WWOX: variants seen among roughly 807,000 people sequenced by gnomAD.
WWOX encodes WW domain containing oxidoreductase, also known as WW domain-containing oxidoreductase.
Under a neutral mutation model 46.2 loss-of-function variants are expected in WWOX, and 69 were observed. That is an observed-to-expected ratio of 1.49 (90% confidence interval 1.23 to 1.82). The LOEUF is 1.82. WWOX is among the 40% of genes most tolerant of loss of function. The pLI, the probability that WWOX is intolerant of heterozygous loss-of-function variation, is 0.00. For missense variants in WWOX, 919 were observed against 542.6 expected, an observed-to-expected ratio of 1.69 and a Z score of -6.89; for synonymous variants, 359 against 202.6, an observed-to-expected ratio of 1.77 and a Z score of -6.56.
chr16:79,050,165 G>A, intron 8 of WWOX, among the ~76,000 whole-genome samples: 1 of 152,202 alleles, frequency 6.6e-6, no homozygotes, highest in East Asian at 1.9e-4. Context: ...TCACGTGTGT[G>A]TGGGGTTCAG....
intron 8 of WWOX, among the ~76,000 whole-genome samples, chr16:78,593,820 C>A (rs1398527829): frequency 2.6e-5 from 4 of 151,940 alleles, no homozygotes. Flanking sequence ...AGCATGATTG[C>A]AAGCTGAGGA....
At chr16:78,869,356 C>G (rs2044076528) in intron 8 of WWOX, among the ~76,000 whole-genome samples, 1 of 152,130 alleles carries the variant, frequency 6.6e-6, no homozygotes, top group Non-Finnish European at 1.5e-5. Context: ...TCCAAGCATC[C>G]AGACTGCAAC....
chr16:79,030,778 G>T (rs956199905), intron 8 of WWOX, among the ~76,000 whole-genome samples: 1 of 152,070 alleles, frequency 6.6e-6, no homozygotes, highest in Non-Finnish European at 1.5e-5. Flanking sequence ...AATGCAGACT[G>T]ATATTCTGAA....
At chr16:78,881,412 A>G (rs2044340976) in intron 8 of WWOX, among the ~76,000 whole-genome samples, 1 of 152,252 alleles carries the variant, frequency 6.6e-6, no homozygotes, top group South Asian at 2.1e-4. Flanking sequence ...GGAAACTAAT[A>G]TACAGGTTTT....
At chr16:78,992,981 C>G (rs1045110149) in intron 8 of WWOX, among the ~76,000 whole-genome samples, 5 of 151,984 alleles carry the variant, frequency 3.3e-5, no homozygotes, top group African/African-American at 9.6e-5. Flanking sequence ...GTGACTTCCT[C>G]CCTCTCTTTC....
intron 8 of WWOX, among the ~76,000 whole-genome samples, chr16:78,829,087 GAT>G (rs1188508096): frequency 1.3e-4 from 3 of 22,792 alleles, no homozygotes; most frequent in Non-Finnish European, 2.5e-4. Context: ...CCATCTGGAA[GAT>G]GGATGGATGG....
At chr16:78,733,270 C>T (rs1597510500) in intron 8 of WWOX, among the ~76,000 whole-genome samples, 1 of 152,112 alleles carries the variant, frequency 6.6e-6, no homozygotes, top group Non-Finnish European at 1.5e-5. Context: ...GCCTGGGCAA[C>T]ATAGGGAGAT....
chr16:79,148,521 T>C (rs2150728284), intron 8 of WWOX, among the ~76,000 whole-genome samples: 2 of 152,296 alleles, frequency 1.3e-5, no homozygotes, highest in African/African-American at 4.8e-5. Flanking sequence ...TATTCTTTTT[T>C]ATTAAGATTA....
chr16:78,446,676 T>C (rs2083567969), intron 8 of WWOX, among the ~76,000 whole-genome samples: 1 of 104,542 alleles, frequency 9.6e-6, no homozygotes, highest in Admixed American at 8.3e-5. Context: ...TTTTTTTTTT[T>C]TTTTTGAGGT....
At chr16:78,855,323 C>A (rs538859991) in intron 8 of WWOX, among the ~76,000 whole-genome samples, 1 of 152,106 alleles carries the variant, frequency 6.6e-6, no homozygotes, top group South Asian at 2.1e-4. Flanking sequence ...ATGTTCTTAT[C>A]ATAATAAATC....
chr16:79,151,202 C>T (rs1187365172), intron 8 of WWOX, among the ~76,000 whole-genome samples: 8 of 152,206 alleles, frequency 5.3e-5, no homozygotes, highest in Admixed American at 4.6e-4. Context: ...ACCTCTTAAA[C>T]AGCCAGCTAT....
At chr16:79,164,422 G>A (rs980799538) in intron 8 of WWOX, among the ~76,000 whole-genome samples, 1 of 152,110 alleles carries the variant, frequency 6.6e-6, no homozygotes, top group Non-Finnish European at 1.5e-5. Flanking sequence ...CCTTGTGCCC[G>A]CCTCTCTGAC....
chr16:78,970,851 C>T lies in WWOX; in HGVS notation c.1057-240757C>T, dbSNP rs141178494. Among the ~76,000 whole-genome samples, 13 of 152,186 alleles carry T rather than the reference C, an allele frequency of 8.5e-5. No homozygotes were observed. In the East Asian group the frequency reaches 1.7e-3, roughly 20 times the overall value. On this transcript the variant is annotated intron_variant, in intron 8 of 8. Coordinates refer to ENST00000566780, the MANE Select transcript of WWOX (RefSeq NM_016373.4). Reference sequence around the variant, plus strand: ...CCAGGAAGTCTTGGAGTGATGGCTTCAGGCACGGCTGGATCCAGGGGCTCA... The same window carrying T: ...CCAGGAAGTCTTGGAGTGATGGCTTTAGGCACGGCTGGATCCAGGGGCTCA...
chr16:79,024,160 G>T (rs993948681), intron 8 of WWOX, among the ~76,000 whole-genome samples: 1 of 152,148 alleles, frequency 6.6e-6, no homozygotes, highest in African/African-American at 2.4e-5. Context: ...TTGGTTAAAT[G>T]GTCTAGAATT....
intron 8 of WWOX, among the ~76,000 whole-genome samples, chr16:78,480,902 C>T (rs138513200): frequency 1.3e-5 from 2 of 152,310 alleles, no homozygotes; most frequent in Admixed American, 6.5e-5. Flanking sequence ...AAGAGACTTA[C>T]AAACATTTGT....
At chr16:79,006,927 C>T (rs932023973) in intron 8 of WWOX, among the ~76,000 whole-genome samples, 1 of 152,160 alleles carries the variant, frequency 6.6e-6, no homozygotes, top group African/African-American at 2.4e-5. Flanking sequence ...AATCATCTTC[C>T]TCTTTTAAGA....
At chr16:78,570,046 AT>A (rs1247577628) in intron 8 of WWOX, among the ~76,000 whole-genome samples, 1 of 152,224 alleles carries the variant, frequency 6.6e-6, no homozygotes, top group Non-Finnish European at 1.5e-5. Context: ...GTGGATATAA[AT>A]ATAAAGAAAA....
At chr16:78,868,452 G>C (rs991087982) in intron 8 of WWOX, among the ~76,000 whole-genome samples, 1 of 143,840 alleles carries the variant, frequency 7.0e-6, no homozygotes, top group Non-Finnish European at 1.5e-5. Context: ...AGACTGTGGT[G>C]ATGGCTGCAC....
intron 8 of WWOX, among the ~76,000 whole-genome samples, chr16:79,183,387 G>C (rs1302568628): frequency 6.6e-6 from 1 of 152,230 alleles, no homozygotes; most frequent in Non-Finnish European, 1.5e-5. Flanking sequence ...CAGCCACCGT[G>C]CTATGAAATG....
Sources: gnomAD v4.1 joint callset for allele counts (sites outside exome capture counted in the v4.1 genomes callset) on GRCh38, gnomAD v4.1.1 for gene constraint, MANE v1.5 for transcripts, NCBI Gene and HGNC (gene_info 2026-07-23, HGNC 2026-07-21) for gene names.